TTC27: variants seen among roughly 807,000 people sequenced by gnomAD.
TTC27 encodes tetratricopeptide repeat protein 27.
TTC27 carries 79 observed loss-of-function variants against 115.9 expected under a neutral mutation model. That is an observed-to-expected ratio of 0.68 (90% CI 0.57 to 0.82). The LOEUF is 0.82. Ranked by LOEUF, TTC27 falls within the 40% of genes least tolerant of loss-of-function variation. The pLI, the probability that TTC27 is intolerant of heterozygous loss-of-function variation, is 0.00. For missense variants in TTC27, 1,054 were observed against 993.1 expected, an observed-to-expected ratio of 1.06 and a Z score of -0.82; for synonymous variants, 401 against 356.0, an observed-to-expected ratio of 1.13 and a Z score of -1.42.
At chr2:32,796,813 T>C (rs921008057) in intron 16 of TTC27, among the ~76,000 whole-genome samples, 5 of 152,050 alleles carry the variant, frequency 3.3e-5, no homozygotes, top group African/African-American at 1.2e-4. Flanking sequence ...TACAGACCAA[T>C]AGAATTGAAC....
rs200270813 is a variant in TTC27 at position 32,754,147 on chromosome 2, C to CTT, written c.1453-4131_1453-4130dup. ...CTAATAAAACAATTCATTCTACATT[C>CTT]TTTTTTTTTTTTTTTAATTGATCAT... On this transcript the variant is annotated intron_variant, in intron 12 of 19. Transcript: ENST00000317907. Among the ~76,000 whole-genome samples, 5 of 143,152 alleles carry CTT rather than the reference C, an allele frequency of 3.5e-5. No homozygotes were observed. The East Asian group carries it at 6.0e-4, about 17-fold the overall frequency. The allele number at this position is 143,152 out of a possible 152,430, so 93.9% of individuals were successfully genotyped here.
Position 32,817,469 on chromosome 2 carries a change from G to C in TTC27, c.2321G>C (p.Cys774Ser). ...ALGLAHVAIKCSKNKSSSQEA... is the reference protein window; with the variant it reads ...ALGLAHVAIKSSKNKSSSQEA... ...ACTTATCTTCCAGTGGCCATAAAAT[G>C]CAGTAAAAACAAATCCAGTTCCCAA... The change falls in exon 19 of 20, where the codon TGC (cysteine) becomes TCC (serine). Residue 774 changes from cysteine to serine, a missense_variant. By Grantham distance (112) the Cys-to-Ser change is moderately radical. Transcript: ENST00000317907. The C allele has an allele frequency of 6.2e-7, 1 of 1,613,766 alleles. No individual in the cohort carries two copies. The highest frequency in any genetic ancestry group is 1.1e-5 in the South Asian group (1 of 91,050).
intron 5 of TTC27, among the ~76,000 whole-genome samples, chr2:32,660,782 A>G (rs1665518218): frequency 6.6e-6 from 1 of 152,096 alleles, no homozygotes; most frequent in Admixed American, 6.5e-5. Flanking sequence ...ATTAGATCTC[A>G]TTTGTCAATT....
At chr2:32,798,912 G>C (rs968214774) in intron 16 of TTC27, among the ~76,000 whole-genome samples, 4 of 152,066 alleles carry the variant, frequency 2.6e-5, no homozygotes, top group African/African-American at 7.2e-5. Flanking sequence ...ATTTAAAGCA[G>C]GATCTCAAAG....
chr2:32,685,658 A>T (rs1001568589), intron 9 of TTC27, among the ~76,000 whole-genome samples: 4 of 152,210 alleles, frequency 2.6e-5, no homozygotes, highest in Non-Finnish European at 4.4e-5. Flanking sequence ...GAAACAAAAA[A>T]GCCTTTGACA....
At position 32,692,761 on chromosome 2, in the gene TTC27, C is replaced by T. The variant is rs537585921; in HGVS notation, c.1120-10046C>T. 1.6e-3 allele frequency among the ~76,000 whole-genome samples: 250 copies of T among 152,106 alleles called. 1 individual carries two copies. The highest frequency in any genetic ancestry group is 5.7e-3 in the African/African-American group (237 of 41,516). ...CCAAGGTGAGCAGATCACTTGAGGT[C>T]AGGAATTCAAGACCAGCCTGGCCAA... On this transcript the variant is annotated intron_variant, in intron 9 of 19. Coordinates refer to ENST00000317907, the MANE Select transcript of TTC27 (RefSeq NM_017735.5).
At chr2:32,669,599 A>G (rs1398317653) in intron 7 of TTC27, among the ~76,000 whole-genome samples, 3 of 152,106 alleles carry the variant, frequency 2.0e-5, no homozygotes, top group Admixed American at 6.6e-5. Context: ...AAATGTTACA[A>G]CATGGCCCGG....
intron 8 of TTC27, among the ~76,000 whole-genome samples, chr2:32,675,465 T>G (rs1461929051): frequency 6.6e-6 from 1 of 152,166 alleles, no homozygotes. Flanking sequence ...AAGGAAGATC[T>G]CAGTGGAATT....
chr2:32,669,883 C>CAAAAAAAAAAAAAAA (rs70938358), intron 7 of TTC27, among the ~76,000 whole-genome samples: 1 of 108,914 alleles, frequency 9.2e-6, no homozygotes, highest in Non-Finnish European at 1.8e-5. Flanking sequence ...GAGACTTTCT[C>CAAAAAAAAAAAAAAA]AAAAAAAAAA....
intron 12 of TTC27, among the ~76,000 whole-genome samples, chr2:32,755,423 A>G (rs900377548): frequency 6.6e-6 from 1 of 152,214 alleles, no homozygotes; most frequent in Non-Finnish European, 1.5e-5. Context: ...TCCACCAAAA[A>G]AATACGAAAA....
At chr2:32,693,350 G>T (rs1042462367) in intron 9 of TTC27, among the ~76,000 whole-genome samples, 6 of 152,154 alleles carry the variant, frequency 3.9e-5, no homozygotes, top group African/African-American at 1.4e-4. Flanking sequence ...GCGTCACCTG[G>T]GAGCTTGTTA....
At chr2:32,698,438 A>G (rs1667067731) in intron 9 of TTC27, among the ~76,000 whole-genome samples, 1 of 146,642 alleles carries the variant, frequency 6.8e-6, no homozygotes, top group African/African-American at 2.5e-5. Context: ...CCATAAAGTT[A>G]TTATTATTAT....
intron 15 of TTC27, among the ~76,000 whole-genome samples, chr2:32,786,518 G>T (rs1172204530): frequency 6.6e-6 from 1 of 152,164 alleles, no homozygotes; most frequent in Non-Finnish European, 1.5e-5. Context: ...CTCACAGGGT[G>T]TAGAATTTTG....
Position 32,817,612 on chromosome 2 carries a change from A to G in TTC27, c.2409+55A>G. The G allele has an allele frequency of 4.9e-6, 7 of 1,440,186 alleles. No individual in the cohort carries two copies. The South Asian group carries it at 6.9e-5, about 14-fold the overall frequency. The allele number at this position is 1,440,186 out of a possible 1,614,324, so 89.2% of individuals were successfully genotyped here. A position where few individuals can be genotyped will look rare whatever the true frequency, so the allele number is the denominator to read the frequency against. ...TGTCATATAGAAAAAGGTCATTAGTATCAGCTTATTGCTGTTAAATCTTCT... is the reference window on the plus strand; with the variant it reads ...TGTCATATAGAAAAAGGTCATTAGTGTCAGCTTATTGCTGTTAAATCTTCT... On this transcript the variant is annotated intron_variant, in intron 19 of 19. Coordinates refer to ENST00000317907, the MANE Select transcript of TTC27 (RefSeq NM_017735.5).
At chr2:32,682,044 A>C (rs1254464364) in intron 9 of TTC27, among the ~76,000 whole-genome samples, 1 of 148,710 alleles carries the variant, frequency 6.7e-6, no homozygotes, top group Non-Finnish European at 1.5e-5. Context: ...TTTCCTTACA[A>C]GACTATAAAC....
intron 10 of TTC27, among the ~76,000 whole-genome samples, chr2:32,726,193 C>T (rs768636258): frequency 1.2e-4 from 18 of 152,302 alleles, no homozygotes; most frequent in South Asian, 6.2e-4. Context: ...GATTAACATT[C>T]GGCTCCTGGT....
At chr2:32,759,792 TA>T (rs1669372134) in intron 13 of TTC27, among the ~76,000 whole-genome samples, 1 of 152,212 alleles carries the variant, frequency 6.6e-6, no homozygotes, top group Admixed American at 6.5e-5. Flanking sequence ...TTTAACTGGG[TA>T]ACTGTCTTAT....
chr2:32,812,010 T>C (rs1190204982), intron 17 of TTC27, among the ~76,000 whole-genome samples: 1 of 152,148 alleles, frequency 6.6e-6, no homozygotes, highest in Non-Finnish European at 1.5e-5. Flanking sequence ...TTTCATGTCC[T>C]TCCATTTCTC....
At chr2:32,768,214 G>T (rs1488201049) in intron 13 of TTC27, among the ~76,000 whole-genome samples, 1 of 151,956 alleles carries the variant, frequency 6.6e-6, no homozygotes, top group Non-Finnish European at 1.5e-5. Flanking sequence ...CACATAATCA[G>T]CATTAAAATT....
Sources: allele counts gnomAD v4.1 joint callset (sites outside exome capture counted in the v4.1 genomes callset), GRCh38; gene constraint gnomAD v4.1.1; transcripts MANE v1.5; gene names NCBI Gene and HGNC (gene_info 2026-07-23, HGNC 2026-07-21).